Variants in FCHO2 observed in about 807,000 individuals in gnomAD.
The protein encoded by FCHO2 is FCH and mu domain containing endocytic adaptor 2, also known as F-BAR domain only protein 2.
In FCHO2, 43 loss-of-function variants were observed where a neutral mutation model predicts 114.1. The observed-to-expected ratio is 0.38, with a 90% CI of 0.30 to 0.49. The LOEUF is 0.49. FCHO2 is among the 20% of genes least tolerant of loss of function. FCHO2 has a pLI of 0.97. For synonymous variants in FCHO2, 293 were observed against 315.2 expected (o/e 0.93, Z 0.75); for missense variants, 807 against 950.4 (o/e 0.85, Z 1.98).
At chr5:73,072,193 C>T (rs1742688413) in intron 19 of FCHO2, among the ~76,000 whole-genome samples, 1 of 151,714 alleles carries the variant, frequency 6.6e-6, no homozygotes, top group Admixed American at 6.6e-5. Context: ...TACACCTGGT[C>T]AGGGAATATA....
chr5:73,047,462 A>G (rs888252302), intron 11 of FCHO2, among the ~76,000 whole-genome samples: 5 of 152,082 alleles, frequency 3.3e-5, no homozygotes, highest in African/African-American at 1.2e-4. Flanking sequence ...CTTCTTACTT[A>G]AAAGTTATAA....
At chr5:73,056,195 A>T in intron 16 of FCHO2, 88 bp downstream of exon 16, 9 of 1,025,192 alleles carry the variant, frequency 8.8e-6, no homozygotes, top group Non-Finnish European at 1.3e-5. Context: ...TGGAAAGCAC[A>T]GAGATTTCCC....
At chr5:72,979,344 G>T (rs1421377614) in intron 2 of FCHO2, among the ~76,000 whole-genome samples, 2 of 143,678 alleles carry the variant, frequency 1.4e-5, no homozygotes, top group African/African-American at 2.6e-5. Context: ...ACCTGGGAGG[G>T]TGTATGTGTA....
At chr5:73,024,169 G>C (rs1755788149) in intron 8 of FCHO2, among the ~76,000 whole-genome samples, 1 of 151,868 alleles carries the variant, frequency 6.6e-6, no homozygotes, top group Admixed American at 6.6e-5. Context: ...AAGCGATCTT[G>C]CCACCTGAGC....
At chr5:73,049,406 CT>C (rs1308160066) in intron 11 of FCHO2, among the ~76,000 whole-genome samples, 4 of 152,006 alleles carry the variant, frequency 2.6e-5, no homozygotes, top group Non-Finnish European at 4.4e-5. Flanking sequence ...TGTTTTCTTC[CT>C]TTTATTTTTT....
At chr5:73,031,271 CCTT>C (rs769795012) in intron 8 of FCHO2, among the ~76,000 whole-genome samples, 1 of 152,170 alleles carries the variant, frequency 6.6e-6, no homozygotes, top group Non-Finnish European at 1.5e-5. Flanking sequence ...TGCACACACC[CCTT>C]CATTATCATC....
At chr5:72,990,250 G>GT (rs1252301668) in intron 3 of FCHO2, among the ~76,000 whole-genome samples, 1 of 151,964 alleles carries the variant, frequency 6.6e-6, no homozygotes, top group Non-Finnish European at 1.5e-5. Flanking sequence ...TTGTGATAAT[G>GT]TAATTAACCC....
Position 73,073,482 on chromosome 5 carries a change from C to T in FCHO2, c.1580-1260C>T, listed in dbSNP as rs1335206580. The stretch of plus-strand genomic sequence containing the variant: ...TAGTACTTGTGCTTCAAAAAGGCAC[C>T]ATTTTTTTTAAATGTCCCCCTAGCA... On this transcript the variant is annotated intron_variant, in intron 19 of 25. Coordinates refer to ENST00000430046, the MANE Select transcript of FCHO2 (RefSeq NM_138782.3). 2.0e-5 allele frequency among the ~76,000 whole-genome samples: 3 copies of T among 151,964 alleles called. No homozygotes were observed. In the East Asian group the frequency reaches 5.8e-4, roughly 29 times the overall value.
chr5:72,975,960 A>G (rs1752845855), intron 2 of FCHO2, among the ~76,000 whole-genome samples: 1 of 152,250 alleles, frequency 6.6e-6, no homozygotes, highest in Admixed American at 6.5e-5. Flanking sequence ...TCGTGTGAAC[A>G]TAAGTTTTAA....
Position 73,088,001 on chromosome 5 carries a change from A to G in FCHO2, c.2411-67A>G, listed in dbSNP as rs543631300. The G allele has an allele frequency of 1.1e-4, 168 of 1,598,018 alleles. No individual in the cohort carries two copies. In the East Asian group the frequency reaches 3.3e-3, roughly 31 times the overall value. On this transcript the variant is annotated intron_variant, in intron 25 of 25. Transcript: ENST00000430046. ...GAACTAGAGTTTTGTATTGGTAACC[A>G]CAGTGGAAAATGTCCTTAGAGTGCA... is the stretch of plus-strand genomic sequence containing the variant.
intron 2 of FCHO2, among the ~76,000 whole-genome samples, chr5:72,986,949 G>C (rs1168062793): frequency 6.6e-6 from 1 of 150,860 alleles, no homozygotes; most frequent in African/African-American, 2.4e-5. Context: ...CACCATCTCG[G>C]CTCACTGCAA....
rs1449727722 is a variant in FCHO2, at chr5:72,965,468, G to A, written c.34-3030G>A. On this transcript the variant is annotated intron_variant, in intron 1 of 25. Coordinates refer to ENST00000430046, the MANE Select transcript of FCHO2 (RefSeq NM_138782.3). ...AGATACTGATAGACTTGCTTGACAC[G>A]ATTGCCACAAACCTTCAATTTGTAA... Among the ~76,000 whole-genome samples the A allele has an allele frequency of 3.3e-5, 5 of 152,282 alleles. No individual in the cohort carries two copies. In the East Asian group the frequency reaches 7.7e-4, roughly 24 times the overall value.
At chr5:73,011,464 T>A (rs1276123451) in intron 6 of FCHO2, among the ~76,000 whole-genome samples, 1 of 152,118 alleles carries the variant, frequency 6.6e-6, no homozygotes, top group Non-Finnish European at 1.5e-5. Flanking sequence ...AATTTTTATT[T>A]TTTTTTAACT....
At chr5:73,025,110 A>G (rs1755844751) in intron 8 of FCHO2, among the ~76,000 whole-genome samples, 2 of 152,138 alleles carry the variant, frequency 1.3e-5, no homozygotes, top group Non-Finnish European at 2.9e-5. Context: ...CCTAGAACAA[A>G]CTAACTAGTG....
chr5:73,047,851 T>G (rs1757131411), intron 11 of FCHO2, among the ~76,000 whole-genome samples: 1 of 152,166 alleles, frequency 6.6e-6, no homozygotes. Flanking sequence ...TATTTATTTA[T>G]TTCGAGACAG....
intron 18 of FCHO2, among the ~76,000 whole-genome samples, chr5:73,068,086 A>G (rs1742449184): frequency 6.6e-6 from 1 of 152,088 alleles, no homozygotes; most frequent in African/African-American, 2.4e-5. Flanking sequence ...AGGACAAGCA[A>G]TATTTAAGGA....
At chr5:73,081,158 A>G in intron 22 of FCHO2, among the ~76,000 whole-genome samples, 1 of 152,190 alleles carries the variant, frequency 6.6e-6, no homozygotes, top group Admixed American at 6.5e-5. Flanking sequence ...GGTATGGAAA[A>G]AAGAAAAAGT....
At position 73,052,355 on chromosome 5, in the gene FCHO2, T is replaced by G; in HGVS notation, c.1021T>G (p.Ser341Ala). The part of the protein sequence containing the change: ...QNDTKENHFY[S>A]SSDSDSEDEE... ...ACATACCAAAGAGAACCATTTCTAC[T>G]CATCTAGTGATTCTGACTCCGAAGA... The change falls in exon 13 of 26, where the codon TCA becomes GCA. Residue 341 changes from serine to alanine, a missense_variant. Coordinates refer to ENST00000430046, the MANE Select transcript of FCHO2 (RefSeq NM_138782.3). The G allele has an allele frequency of 6.2e-7, 1 of 1,608,652 alleles. No individual in the cohort carries two copies. Among genetic ancestry groups the G allele is most frequent in the Non-Finnish European group, 8.5e-7 (1 of 1,177,378 alleles).
intron 23 of FCHO2, 58 bp downstream of exon 23, chr5:73,082,040 C>G (rs1743110663): frequency 7.4e-7 from 1 of 1,346,888 alleles, no homozygotes; most frequent in East Asian, 2.7e-5. Flanking sequence ...TCCCCAACTT[C>G]TAGAACCCAA....
Sources: allele counts gnomAD v4.1 joint callset (sites outside exome capture counted in the v4.1 genomes callset), GRCh38; gene constraint gnomAD v4.1.1; transcripts MANE v1.5; gene names NCBI Gene and HGNC (gene_info 2026-07-23, HGNC 2026-07-21).